The following ASCC3 variants were observed in gnomAD, a reference collection of about 807,000 sequenced individuals.
The protein encoded by ASCC3 is activating signal cointegrator 1 complex subunit 3.
A neutral mutation model predicts 256.3 loss-of-function variants in ASCC3; 158 were observed. That is an observed-to-expected ratio of 0.62 (90% CI 0.54 to 0.70). ASCC3 has a LOEUF of 0.70. Ranked by LOEUF, ASCC3 falls within the 30% of genes least tolerant of loss-of-function variation. The pLI is 0.00. For missense variants in ASCC3, 2,259 were observed against 2,626.0 expected (o/e 0.86, Z 3.05); for synonymous variants, 948 against 883.4 (o/e 1.07, Z -1.30).
chr6:100,631,912 G>A (rs908720209), intron 25 of ASCC3, among the ~76,000 whole-genome samples: 18 of 151,690 alleles, frequency 1.2e-4, no homozygotes, highest in Non-Finnish European at 7.4e-5. Flanking sequence ...GGTTAAGTAG[G>A]GAAGAAAAGC....
At chr6:100,706,631 CA>C (rs1221866999) in intron 13 of ASCC3, among the ~76,000 whole-genome samples, 1 of 151,880 alleles carries the variant, frequency 6.6e-6, no homozygotes, top group Admixed American at 6.6e-5. Context: ...ACCTACTCGG[CA>C]ATTTTCTGTG....
chr6:100,771,735 A>G lies in ASCC3; in HGVS notation c.1396-4390T>C, dbSNP rs190000688. On this transcript the variant is annotated intron_variant, in intron 8 of 41. Transcript: ENST00000369162. ...CACCTGTTAAAATGGCTAACATTTA[A>G]AAAATTGGCAAAATGTTTAATAATT... Among the ~76,000 whole-genome samples, 16 of 151,882 alleles carry G rather than the reference A, an allele frequency of 1.1e-4. No homozygotes were observed. The South Asian group carries it at 1.3e-3, about 12-fold the overall frequency.
intron 8 of ASCC3, among the ~76,000 whole-genome samples, chr6:100,783,736 T>A (rs1294094448): frequency 2.0e-5 from 3 of 152,212 alleles, no homozygotes; most frequent in Non-Finnish European, 4.4e-5. Context: ...AAAACTACAA[T>A]GTGATTTCTA....
At chr6:100,670,572 C>CG (rs1250292834) in intron 14 of ASCC3, among the ~76,000 whole-genome samples, 1 of 124,142 alleles carries the variant, frequency 8.1e-6, no homozygotes, top group African/African-American at 2.9e-5. Flanking sequence ...TCTTCCCCCC[C>CG]CCCAAATTCT....
chr6:100,742,970 G>A (rs1421010797), intron 10 of ASCC3, among the ~76,000 whole-genome samples: 1 of 152,176 alleles, frequency 6.6e-6, no homozygotes, highest in Non-Finnish European at 1.5e-5. Flanking sequence ...CCTTGCCAGG[G>A]ATCTCGAGGC....
rs1233478212 is a variant in ASCC3, at chr6:100,723,902, A to ATAT, written c.1902+1636_1902+1637insATA. ...TATATATATATATATATATATTTATAATTATATATATGACACATATATATA... is the reference window on the plus strand; with the variant it reads ...TATATATATATATATATATATTTATATATATTATATATATGACACATATATATA... On this transcript the variant is annotated intron_variant, in intron 11 of 41. Coordinates refer to ENST00000369162, the MANE Select transcript of ASCC3 (RefSeq NM_006828.4). Among the ~76,000 whole-genome samples, 277 of 126,662 alleles carry ATAT rather than the reference A, an allele frequency of 2.2e-3. 7 individuals are homozygous for ATAT. Among genetic ancestry groups the ATAT allele is most frequent in the East Asian group, 0.017 (70 of 4,100 alleles). 83.1% of individuals were successfully genotyped at this position (126,662 alleles called of 152,430 possible).
At chr6:100,705,359 T>C (rs1172641900) in intron 13 of ASCC3, among the ~76,000 whole-genome samples, 1 of 152,064 alleles carries the variant, frequency 6.6e-6, no homozygotes, top group Non-Finnish European at 1.5e-5. Context: ...AGCATGGTTT[T>C]TGAACAAGAA....
intron 11 of ASCC3, among the ~76,000 whole-genome samples, chr6:100,719,101 A>G (rs887835822): frequency 6.6e-6 from 1 of 152,020 alleles, no homozygotes; most frequent in Admixed American, 6.6e-5. Flanking sequence ...GGCACTAGGG[A>G]TGCAGTGCTG....
intron 8 of ASCC3, among the ~76,000 whole-genome samples, chr6:100,785,273 G>C (rs1001832882): frequency 2.0e-5 from 3 of 152,076 alleles, no homozygotes; most frequent in African/African-American, 4.8e-5. Flanking sequence ...ATGAAACTGA[G>C]CCAAATTGTA....
chr6:100,800,565 G>C, intron 5 of ASCC3, 61 bp from the exon 6 acceptor site: 1 of 1,317,842 alleles, frequency 7.6e-7, no homozygotes, highest in Non-Finnish European at 1.1e-6. Flanking sequence ...TAACCTTCAT[G>C]AAAACCATTT....
intron 8 of ASCC3, among the ~76,000 whole-genome samples, chr6:100,797,393 G>T (rs1769673066): frequency 6.8e-6 from 1 of 146,428 alleles, no homozygotes; most frequent in South Asian, 2.2e-4. Flanking sequence ...AGGAGGCAGA[G>T]GTTGCGGTGA....
At chr6:100,690,017 C>T (rs1256469594) in intron 13 of ASCC3, among the ~76,000 whole-genome samples, 1 of 151,966 alleles carries the variant, frequency 6.6e-6, no homozygotes, top group Non-Finnish European at 1.5e-5. Context: ...TCTAAGCTAC[C>T]TACATTAAAA....
intron 36 of ASCC3, among the ~76,000 whole-genome samples, chr6:100,571,590 T>A (rs988184476): frequency 2.0e-5 from 3 of 152,168 alleles, no homozygotes; most frequent in African/African-American, 4.8e-5. Flanking sequence ...TTATTGCAAA[T>A]AAGCAAAAAA....
intron 14 of ASCC3, among the ~76,000 whole-genome samples, chr6:100,663,115 C>T (rs541935145): frequency 4.2e-4 from 64 of 152,116 alleles, no homozygotes; most frequent in African/African-American, 1.2e-3. Flanking sequence ...TTCCTCATTG[C>T]GATAAGTCAA....
intron 37 of ASCC3, among the ~76,000 whole-genome samples, chr6:100,520,397 G>A (rs1183897178): frequency 6.7e-6 from 1 of 150,278 alleles, no homozygotes; most frequent in Non-Finnish European, 1.5e-5. Context: ...CCCACAATGA[G>A]CCTTGCTTTA....
In ASCC3 at chr6:100,530,787, A is replaced by C. The variant is rs115239311; in HGVS notation, c.5775+9376T>G. 7.0e-4 allele frequency: 740 copies of C among 1,050,488 alleles called. 3 individuals are homozygous for C. The African/African-American group carries it at 0.01, about 15-fold the overall frequency. The allele number at this position is 1,050,488 out of a possible 1,614,324, so 65.1% of individuals were successfully genotyped here. A position where few individuals can be genotyped will look rare whatever the true frequency, so the allele number is the denominator to read the frequency against. On this transcript the variant is annotated intron_variant, in intron 37 of 41. Transcript: ENST00000369162. Reference sequence around the variant, plus strand: ...TAATTTTGCAAAGAATCCAAGACAAAAAGGATTAGATCTAGAAATGGCCAT... The same window carrying C: ...TAATTTTGCAAAGAATCCAAGACAACAAGGATTAGATCTAGAAATGGCCAT...
intron 8 of ASCC3, among the ~76,000 whole-genome samples, chr6:100,778,652 CTT>C (rs1782304373): frequency 1.3e-5 from 2 of 152,004 alleles, no homozygotes; most frequent in Non-Finnish European, 2.9e-5. Flanking sequence ...AATAAAAATA[CTT>C]TTGATAGTTA....
rs562462093 is a variant in ASCC3 at position 100,561,520 on chromosome 6, G to A, written c.5551-21133C>T. On this transcript the variant is annotated intron_variant, in intron 36 of 41. Coordinates refer to ENST00000369162, the MANE Select transcript of ASCC3 (RefSeq NM_006828.4). ...GGTATCACCCACGTCACTTTGGTGC[G>A]GGTCTCAAATGACAATTTATTTATC... 3.6e-3 allele frequency among the ~76,000 whole-genome samples: 554 copies of A among 151,908 alleles called. 3 individuals are homozygous for A. The highest frequency in any genetic ancestry group is 0.013 in the African/African-American group (529 of 41,468).
intron 36 of ASCC3, among the ~76,000 whole-genome samples, chr6:100,546,580 G>A (rs539439345): frequency 6.6e-6 from 1 of 152,210 alleles, no homozygotes; most frequent in South Asian, 2.1e-4. Flanking sequence ...GTGAACGGAT[G>A]CAATCTACTG....
Sources: allele counts gnomAD v4.1 joint callset (sites outside exome capture counted in the v4.1 genomes callset), GRCh38; gene constraint gnomAD v4.1.1; transcripts MANE v1.5; gene names NCBI Gene and HGNC (gene_info 2026-07-23, HGNC 2026-07-21).